TSHR: variants seen among roughly 807,000 people sequenced by gnomAD.
TSHR encodes the protein thyrotropin receptor.
Under a neutral mutation model 64.1 loss-of-function variants are expected in TSHR, and 51 were observed. The ratio of observed to expected loss-of-function variants is 0.80; its 90% CI spans 0.64 to 1.01. The LOEUF (loss-of-function observed/expected upper bound fraction) is 1.01. TSHR is among the 50% of genes least tolerant of loss of function. The probability of loss-of-function intolerance (pLI) is 0.00; values close to 1 mark genes in which losing one functional copy is unlikely to be tolerated. For synonymous variants in TSHR, 361 were observed against 361.9 expected (o/e 1.00, Z 0.03); for missense variants, 877 against 942.8 (o/e 0.93, Z 0.91).
chr14:81,111,019 T>G (rs574414090), intron 8 of TSHR, among the ~76,000 whole-genome samples: 1 of 152,250 alleles, frequency 6.6e-6, no homozygotes, highest in African/African-American at 2.4e-5. Flanking sequence ...TGTTATGGTA[T>G]ATATTATATA....
In TSHR at chr14:81,103,359, G is replaced by T. The variant is rs1416117951; in HGVS notation, c.615-5016G>T. On this transcript the variant is annotated intron_variant, in intron 7 of 9. Transcript: ENST00000298171. The surrounding 1 kb of genome is among the most constrained non-coding windows in gnomAD (Gnocchi z 4.1). ...GTAATTTCTCCAGAAGTTTGTCCAG[G>T]TATCATTAGGTTCTCATTTAAACAA... is the stretch of plus-strand genomic sequence containing the variant. The T allele has an allele frequency of 1.8e-5, 18 of 985,274 alleles. No individual in the cohort carries two copies. Among genetic ancestry groups the T allele is most frequent in the Non-Finnish European group, 2.2e-5 (18 of 829,928 alleles). 61.0% of individuals were successfully genotyped at this position (985,274 alleles called of 1,614,324 possible). A position where few individuals can be genotyped will look rare whatever the true frequency, so the allele number is the denominator to read the frequency against.
intron 6 of TSHR, chr14:81,095,537 A>C (rs1276608557): frequency 6.6e-6 from 1 of 151,904 alleles, no homozygotes; most frequent in Non-Finnish European, 1.5e-5. Context: ...ACGCCACTGC[A>C]CTTCAGCCTG....
chr14:81,103,029 TTTA>T lies in TSHR; in HGVS notation c.615-5343_615-5341del. 1 of 985,382 alleles carries T rather than the reference TTTA, an allele frequency of 1.0e-6. No homozygotes were observed. The highest frequency in any genetic ancestry group is 1.2e-6 in the Non-Finnish European group (1 of 829,920). 61.0% of individuals were successfully genotyped at this position (985,382 alleles called of 1,614,324 possible). ...GTTTCTGACTCCTAGTCAATAGAAATTTATTCTTTCCTAGATTTAAGCACTTCA... is the reference window on the plus strand; with the variant it reads ...GTTTCTGACTCCTAGTCAATAGAAATTTCTTTCCTAGATTTAAGCACTTCA... On this transcript the variant is annotated intron_variant, in intron 7 of 9. Transcript: ENST00000298171. This position sits in a 1 kb window ranked among gnomAD's most constrained non-coding sequence, Gnocchi z 4.1.
chr14:80,988,508 A>G (rs913075266), intron 1 of TSHR, among the ~76,000 whole-genome samples: 2 of 152,170 alleles, frequency 1.3e-5, no homozygotes, highest in Non-Finnish European at 2.9e-5. Context: ...CCCCACCTCC[A>G]ACATTGAGGA....
chr14:81,040,573 G>A (rs1884870171), intron 1 of TSHR, among the ~76,000 whole-genome samples: 1 of 151,802 alleles, frequency 6.6e-6, no homozygotes. Flanking sequence ...CTGATAAAGG[G>A]TTAATATACA....
At chr14:81,018,442 G>A (rs1475806043) in intron 1 of TSHR, among the ~76,000 whole-genome samples, 1 of 152,186 alleles carries the variant, frequency 6.6e-6, no homozygotes, top group Admixed American at 6.5e-5. Flanking sequence ...CAGCGAATGA[G>A]GAAGCAGTGA....
At chr14:80,980,409 G>T (rs919274485) in intron 1 of TSHR, among the ~76,000 whole-genome samples, 1 of 152,060 alleles carries the variant, frequency 6.6e-6, no homozygotes, top group Non-Finnish European at 1.5e-5. Context: ...AACAACTAAA[G>T]CTCTGCCACT....
intron 8 of TSHR, among the ~76,000 whole-genome samples, chr14:81,120,337 ATC>A (rs1312354455): frequency 6.6e-6 from 1 of 152,152 alleles, no homozygotes; most frequent in African/African-American, 2.4e-5. Context: ...CTTCGAGGAA[ATC>A]CATTGACATG....
chr14:81,024,786 T>C (rs1004476803), intron 1 of TSHR, among the ~76,000 whole-genome samples: 12 of 152,164 alleles, frequency 7.9e-5, no homozygotes, highest in African/African-American at 2.7e-4. Context: ...CAGTTCAACT[T>C]TTTCCTGTCA....
At chr14:81,111,568 C>T (rs1273114687) in intron 8 of TSHR, among the ~76,000 whole-genome samples, 2 of 152,204 alleles carry the variant, frequency 1.3e-5, no homozygotes, top group African/African-American at 2.4e-5. Flanking sequence ...TTGTCTTTTA[C>T]ACTACTTTAC....
At chr14:81,027,159 A>T (rs147987932) in intron 1 of TSHR, among the ~76,000 whole-genome samples, 374 of 152,214 alleles carry the variant, frequency 2.5e-3, no homozygotes, top group African/African-American at 8.4e-3. Context: ...AAGAAAAAAG[A>T]CTAGAGTAGG....
At chr14:81,120,815 T>C (rs1390232957) in intron 8 of TSHR, among the ~76,000 whole-genome samples, 1 of 152,040 alleles carries the variant, frequency 6.6e-6, no homozygotes, top group Non-Finnish European at 1.5e-5. Flanking sequence ...TTCATGAAAG[T>C]TATAACAAAT....
intron 1 of TSHR, among the ~76,000 whole-genome samples, chr14:81,035,389 C>A (rs191352853): frequency 6.6e-6 from 1 of 152,238 alleles, no homozygotes; most frequent in Admixed American, 6.5e-5. Context: ...CATGTGGTAA[C>A]CCTTGCAGGA....
chr14:81,120,589 C>T (rs559039817), intron 8 of TSHR, among the ~76,000 whole-genome samples: 206 of 152,236 alleles, frequency 1.4e-3, no homozygotes, highest in Middle Eastern at 3.4e-3. Context: ...TGGAGGCTTT[C>T]TGATTTTCTG....
At chr14:80,962,849 T>C (rs1887105390) in intron 1 of TSHR, among the ~76,000 whole-genome samples, 1 of 152,236 alleles carries the variant, frequency 6.6e-6, no homozygotes, top group South Asian at 2.1e-4. Flanking sequence ...TTATCTACAA[T>C]CTAGAAAGGT....
chr14:81,034,089 A>G (rs896291748), intron 1 of TSHR, among the ~76,000 whole-genome samples: 5 of 152,248 alleles, frequency 3.3e-5, no homozygotes, highest in African/African-American at 1.2e-4. Flanking sequence ...TCATATGTTT[A>G]GAAAAGTATG....
intron 1 of TSHR, among the ~76,000 whole-genome samples, chr14:80,980,611 T>C (rs1888117902): frequency 1.3e-5 from 2 of 152,240 alleles, no homozygotes; most frequent in Non-Finnish European, 2.9e-5. Flanking sequence ...TATGTGTAGA[T>C]ATTGATGAAT....
chr14:81,107,522 T>C (rs892811119), intron 7 of TSHR, among the ~76,000 whole-genome samples: 2 of 152,228 alleles, frequency 1.3e-5, no homozygotes, highest in African/African-American at 2.4e-5. Context: ...GAAGCTTTTA[T>C]CCATTTGGAG....
At chr14:81,045,803 T>C (rs1411165905) in intron 1 of TSHR, among the ~76,000 whole-genome samples, 1 of 152,258 alleles carries the variant, frequency 6.6e-6, no homozygotes, top group African/African-American at 2.4e-5. Flanking sequence ...CATAAGTATT[T>C]ACTGTAAAAT....
Sources: gnomAD v4.1 joint callset for allele counts (sites outside exome capture counted in the v4.1 genomes callset) on GRCh38, gnomAD v4.1.1 for gene constraint, Gnocchi (gnomAD v3.1) non-coding constraint, MANE v1.5 for transcripts, NCBI Gene and HGNC (gene_info 2026-07-23, HGNC 2026-07-21) for gene names.